Variants in IFT88 observed in about 807,000 individuals in gnomAD.
IFT88 encodes intraflagellar transport protein 88 homolog.
In IFT88, 74 loss-of-function variants were observed where a neutral mutation model predicts 119.5. The ratio of observed to expected loss-of-function variants is 0.62; its 90% confidence interval spans 0.51 to 0.75. IFT88 has a LOEUF of 0.75. Ranked by LOEUF, IFT88 falls within the 30% of genes least tolerant of loss-of-function variation. The probability of loss-of-function intolerance (pLI) is 0.00; values close to 1 mark genes in which losing one functional copy is unlikely to be tolerated. For synonymous variants in IFT88, 279 were observed against 316.7 expected (o/e 0.88, Z 1.26); for missense variants, 961 against 977.7 (o/e 0.98, Z 0.23).
intron 1 of IFT88, among the ~76,000 whole-genome samples, chr13:20,570,085 A>G (rs2036000002): frequency 6.6e-6 from 1 of 152,284 alleles, no homozygotes; most frequent in Admixed American, 6.5e-5. Context: ...CATTTCTCCA[A>G]AGAGATATAG....
chr13:20,610,208 T>G (rs1456736614), intron 13 of IFT88, among the ~76,000 whole-genome samples: 1 of 152,064 alleles, frequency 6.6e-6, no homozygotes, highest in African/African-American at 2.4e-5. Context: ...GAGAGGTGAC[T>G]GGCCCCCCAC....
At chr13:20,659,763 C>G (rs2053488222) in intron 22 of IFT88, among the ~76,000 whole-genome samples, 1 of 151,990 alleles carries the variant, frequency 6.6e-6, no homozygotes, top group African/African-American at 2.4e-5. Context: ...CCTGCCTCAG[C>G]CTCCCAAGTA....
intron 1 of IFT88, chr13:20,568,101 G>C (rs1593565051): frequency 7.3e-6 from 5 of 681,204 alleles, no homozygotes; most frequent in East Asian, 5.4e-5. Context: ...CCTGTGCCAC[G>C]TGCGGGCCGG....
At chr13:20,647,982 T>G (rs1229922974) in intron 20 of IFT88, among the ~76,000 whole-genome samples, 2 of 151,960 alleles carry the variant, frequency 1.3e-5, no homozygotes, top group African/African-American at 4.8e-5. Flanking sequence ...GGACCCTCAG[T>G]AAGATTATTA....
intron 24 of IFT88, among the ~76,000 whole-genome samples, chr13:20,688,064 G>A (rs1345335665): frequency 2.6e-5 from 4 of 152,222 alleles, no homozygotes; most frequent in South Asian, 4.1e-4. Context: ...GGCCGGGCAC[G>A]GTGGCTGAAG....
Position 20,596,179 on chromosome 13 carries a change from A to G in IFT88, c.428A>G (p.Lys143Arg), listed in dbSNP as rs1007504839. The change falls in exon 8 of 26, where the codon AAG becomes AGG. Residue 143 changes from lysine to arginine, a missense_variant. Physicochemically the swap from Lys to Arg is conservative, Grantham distance 26. Coordinates refer to ENST00000351808, the MANE Select transcript of IFT88 (RefSeq NM_006531.5). ...GAGGAAAAAATAAAGCAATTAGAGA[A>G]GGAAGTAAATGAGTTGGTAGAAGAA... ...SPEEKIKQLEKEVNELVEESC... is the reference protein window; with the variant it reads ...SPEEKIKQLEREVNELVEESC... 1.7e-5 allele frequency: 26 copies of G among 1,551,514 alleles called. No homozygotes were observed. The highest frequency in any genetic ancestry group is 1.7e-4 in the Middle Eastern group (1 of 5,840).
At chr13:20,571,254 A>G (rs999563333) in intron 1 of IFT88, among the ~76,000 whole-genome samples, 1 of 152,224 alleles carries the variant, frequency 6.6e-6, no homozygotes, top group Non-Finnish European at 1.5e-5. Context: ...TCGGCCTCCC[A>G]AAGTGCTGGG....
intron 16 of IFT88, 75 bp downstream of exon 16, chr13:20,631,177 T>G: frequency 1.1e-6 from 1 of 917,384 alleles, no homozygotes; most frequent in Non-Finnish European, 1.8e-6. Flanking sequence ...GGATCATGCC[T>G]AGGGAGAGGT....
chr13:20,687,926 G>T (rs1384518243), intron 24 of IFT88, among the ~76,000 whole-genome samples: 1 of 152,192 alleles, frequency 6.6e-6, no homozygotes, highest in Middle Eastern at 3.2e-3. Flanking sequence ...CACTCATGGG[G>T]ACCAAGAGAT....
chr13:20,571,152 C>T (rs765863630), intron 1 of IFT88, among the ~76,000 whole-genome samples: 4 of 152,006 alleles, frequency 2.6e-5, no homozygotes, highest in Admixed American at 6.6e-5. Context: ...TGCTATCATG[C>T]CCGGCTAATT....
At chr13:20,677,930 G>A (rs918964382) in intron 24 of IFT88, among the ~76,000 whole-genome samples, 6 of 152,156 alleles carry the variant, frequency 3.9e-5, no homozygotes, top group Admixed American at 3.3e-4. Context: ...ATTTTAGATA[G>A]TACTTTCAAA....
chr13:20,672,154 A>G (rs1328513989), intron 24 of IFT88, among the ~76,000 whole-genome samples: 3 of 152,138 alleles, frequency 2.0e-5, no homozygotes, highest in African/African-American at 7.2e-5. Flanking sequence ...GACTCCTTGA[A>G]TTCAGAGCTG....
Position 20,690,761 on chromosome 13 carries a change from A to G in IFT88, c.2299A>G (p.Arg767Gly), listed in dbSNP as rs1188776994. ...AGGTGAACGACTAAGTGCCAGACTC[A>G]GAGCTTTACCTGGGACAAATGAACC... is the stretch of plus-strand genomic sequence containing the variant. The part of the protein sequence containing the change: ...SKGERLSARL[R>G]ALPGTNEPYE... The change falls in exon 25 of 26, where the codon AGA becomes GGA. Residue 767 changes from arginine (R) to glycine (G), a missense_variant. Arg to Gly is a moderately radical substitution (Grantham distance 125). Coordinates refer to ENST00000351808, the MANE Select transcript of IFT88 (RefSeq NM_006531.5). 1.9e-6 allele frequency: 3 copies of G among 1,613,910 alleles called. No individual in the cohort carries two copies. The highest frequency in any genetic ancestry group is 2.5e-6 in the Non-Finnish European group (3 of 1,179,892).
chr13:20,583,419 A>G (rs997726594), intron 3 of IFT88, among the ~76,000 whole-genome samples: 6 of 152,216 alleles, frequency 3.9e-5, no homozygotes, highest in Non-Finnish European at 8.8e-5. Flanking sequence ...AAGTTTGAAT[A>G]GTATTCCATT....
chr13:20,673,435 C>A (rs1358140243), intron 24 of IFT88, among the ~76,000 whole-genome samples: 2 of 152,176 alleles, frequency 1.3e-5, no homozygotes, highest in Non-Finnish European at 2.9e-5. Flanking sequence ...GAGAAAGTAA[C>A]CCCAGGAAGA....
intron 24 of IFT88, among the ~76,000 whole-genome samples, chr13:20,678,104 G>T (rs2056898996): frequency 1.3e-5 from 2 of 152,226 alleles, no homozygotes; most frequent in Admixed American, 1.3e-4. Context: ...AGCAGTCTCA[G>T]TGTACTGTTA....
At chr13:20,612,079 T>A (rs966684563) in intron 13 of IFT88, 1 of 151,870 alleles carries the variant, frequency 6.6e-6, no homozygotes, top group Non-Finnish European at 1.5e-5. Flanking sequence ...GAATCAACTT[T>A]AAAACTGTTA....
rs188175665 is a variant in IFT88 at position 20,598,259 on chromosome 13, A to G, written c.595-392A>G. ...TGTAATTTAGTATATAGAGCTTACT[A>G]TACAGATTCTTCTGATAGACTTTAA... is the stretch of plus-strand genomic sequence containing the variant. On this transcript the variant is annotated intron_variant, in intron 9 of 25. Coordinates refer to ENST00000351808, the MANE Select transcript of IFT88 (RefSeq NM_006531.5). Among the ~76,000 whole-genome samples the G allele has an allele frequency of 1.3e-3, 196 of 152,274 alleles. 2 individuals carry two copies. The highest frequency in any genetic ancestry group is 4.4e-3 in the African/African-American group (184 of 41,570).
At chr13:20,678,504 G>C (rs1359456566) in intron 24 of IFT88, among the ~76,000 whole-genome samples, 5 of 152,214 alleles carry the variant, frequency 3.3e-5, no homozygotes. Flanking sequence ...ACAGGCCCTG[G>C]CTGATTATCT....
Sources: gnomAD v4.1 joint callset for allele counts (sites outside exome capture counted in the v4.1 genomes callset) on GRCh38, gnomAD v4.1.1 for gene constraint, MANE v1.5 for transcripts, NCBI Gene and HGNC (gene_info 2026-07-23, HGNC 2026-07-21) for gene names.